Variants in PPP1R14C observed in about 807,000 individuals in gnomAD.
The protein encoded by PPP1R14C is protein phosphatase 1 regulatory inhibitor subunit 14C, also known as protein phosphatase 1 regulatory subunit 14C.
Under a neutral mutation model 20.4 loss-of-function variants are expected in PPP1R14C, and 16 were observed. The observed-to-expected ratio is 0.78, with a 90% CI of 0.53 to 1.19. The LOEUF is 1.19. Among genes scored for constraint, PPP1R14C ranks in the 50% most tolerant of loss-of-function variants. PPP1R14C has a pLI of 0.00. For synonymous variants in PPP1R14C, 91 were observed against 91.0 expected, an observed-to-expected ratio of 1.00 and a Z score of 0.00; for missense variants, 211 against 220.1, an observed-to-expected ratio of 0.96 and a Z score of 0.26.
intron 1 of PPP1R14C, among the ~76,000 whole-genome samples, chr6:150,171,585 G>A (rs1777499549): frequency 6.6e-6 from 1 of 152,142 alleles, no homozygotes; most frequent in Non-Finnish European, 1.5e-5. Context: ...ACATTTGAAA[G>A]TTAAGTGATT....
chr6:150,190,052 G>A (rs1304220591), intron 1 of PPP1R14C, among the ~76,000 whole-genome samples: 1 of 152,102 alleles, frequency 6.6e-6, no homozygotes, highest in Non-Finnish European at 1.5e-5. Context: ...AGAAAAGGAT[G>A]ATTTTGGTCA....
At chr6:150,238,297 A>G (rs895165458) in intron 3 of PPP1R14C, among the ~76,000 whole-genome samples, 2 of 152,248 alleles carry the variant, frequency 1.3e-5, no homozygotes, top group Admixed American at 6.5e-5. Flanking sequence ...CTAGGAAACT[A>G]GAATGGCCAG....
intron 1 of PPP1R14C, among the ~76,000 whole-genome samples, chr6:150,193,477 G>T (rs180998180): frequency 6.6e-6 from 1 of 152,234 alleles, no homozygotes; most frequent in African/African-American, 2.4e-5. Context: ...ATTTCCAGGA[G>T]TGAGTAAGAG....
Position 150,194,198 on chromosome 6 carries a change from G to A in PPP1R14C, c.307-20546G>A, listed in dbSNP as rs569619469. On this transcript the variant is annotated intron_variant, in intron 1 of 3. Coordinates refer to ENST00000361131, the MANE Select transcript of PPP1R14C (RefSeq NM_030949.3). ...TTTTTCTTTATGAATACCCAGTCTC[G>A]GGTATGTCTTTACCAGCAGCGTGAG... Among the ~76,000 whole-genome samples, 4 of 152,222 alleles carry A rather than the reference G, an allele frequency of 2.6e-5. No individual in the cohort carries two copies. The South Asian group carries it at 8.3e-4, about 32-fold the overall frequency.
chr6:150,145,300 T>G (rs1777169500), intron 1 of PPP1R14C, among the ~76,000 whole-genome samples: 1 of 152,214 alleles, frequency 6.6e-6, no homozygotes, highest in Non-Finnish European at 1.5e-5. Flanking sequence ...TCTTCTTGGG[T>G]TTTAAATCTT....
At chr6:150,147,859 T>G (rs1188945283) in intron 1 of PPP1R14C, among the ~76,000 whole-genome samples, 1 of 152,192 alleles carries the variant, frequency 6.6e-6, no homozygotes, top group African/African-American at 2.4e-5. Context: ...AAAACTGTCT[T>G]CTGAGAGATG....
chr6:150,219,593 A>G (rs1381399844), intron 3 of PPP1R14C, among the ~76,000 whole-genome samples: 3 of 152,084 alleles, frequency 2.0e-5, no homozygotes, highest in African/African-American at 7.2e-5. Flanking sequence ...TCAAACATGT[A>G]ACATATTTCC....
At chr6:150,235,287 G>A (rs373189318) in intron 3 of PPP1R14C, among the ~76,000 whole-genome samples, 31 of 152,076 alleles carry the variant, frequency 2.0e-4, no homozygotes, top group South Asian at 6.2e-4. Context: ...ATGGGATCTC[G>A]CTTTATTACC....
chr6:150,235,972 T>C (rs1005465256), intron 3 of PPP1R14C, among the ~76,000 whole-genome samples: 2 of 152,190 alleles, frequency 1.3e-5, no homozygotes, highest in African/African-American at 4.8e-5. Context: ...TTTTTGGTCA[T>C]TTTAGTTTAG....
intron 1 of PPP1R14C, among the ~76,000 whole-genome samples, chr6:150,212,446 G>A (rs1403669595): frequency 2.0e-5 from 3 of 149,086 alleles, no homozygotes; most frequent in South Asian, 4.3e-4. Context: ...TGTGTAGGGC[G>A]AGGCTCTACA....
intron 3 of PPP1R14C, among the ~76,000 whole-genome samples, chr6:150,234,903 A>G (rs1220816719): frequency 1.3e-5 from 2 of 150,514 alleles, no homozygotes; most frequent in East Asian, 3.9e-4. Context: ...CGCACACAAT[A>G]GTATCTAATA....
chr6:150,166,113 C>T lies in PPP1R14C; in HGVS notation c.306+22615C>T, dbSNP rs1366882456. Among the ~76,000 whole-genome samples, 5 of 151,500 alleles carry T rather than the reference C, an allele frequency of 3.3e-5. 1 individual carries two copies. Among genetic ancestry groups the T allele is most frequent in the Admixed American group, 2.6e-4 (4 of 15,210 alleles). ...TTTTTGAGACGGAGTCTGAGTCTCC[C>T]TCTGTTGTCCAGGCTGGGGTGCAGT... On this transcript the variant is annotated intron_variant, in intron 1 of 3. Transcript: ENST00000361131.
At chr6:150,163,915 A>T (rs1467771990) in intron 1 of PPP1R14C, among the ~76,000 whole-genome samples, 1 of 152,218 alleles carries the variant, frequency 6.6e-6, no homozygotes, top group African/African-American at 2.4e-5. Flanking sequence ...TTGCTGGCTT[A>T]TAGAGTACGT....
intron 1 of PPP1R14C, among the ~76,000 whole-genome samples, chr6:150,162,344 C>T (rs1419448101): frequency 4.6e-5 from 7 of 152,204 alleles, no homozygotes; most frequent in South Asian, 4.1e-4. Flanking sequence ...CGTGAGCCAC[C>T]GTGCCAGGCC....
At chr6:150,204,276 C>G (rs139368985) in intron 1 of PPP1R14C, among the ~76,000 whole-genome samples, 1 of 152,348 alleles carries the variant, frequency 6.6e-6, no homozygotes, top group Non-Finnish European at 1.5e-5. Context: ...TTTCTCGTCA[C>G]GGGGGCATTG....
At chr6:150,159,342 C>T (rs1777339518) in intron 1 of PPP1R14C, among the ~76,000 whole-genome samples, 1 of 152,316 alleles carries the variant, frequency 6.6e-6, no homozygotes, top group African/African-American at 2.4e-5. Flanking sequence ...ATCCTTTGAT[C>T]GCATTTTGTC....
At chr6:150,218,336 G>A (rs1300175197) in intron 3 of PPP1R14C, among the ~76,000 whole-genome samples, 2 of 152,038 alleles carry the variant, frequency 1.3e-5, no homozygotes, top group African/African-American at 4.8e-5. Flanking sequence ...CTGGGAGGCG[G>A]AGCTTGCAGT....
chr6:150,158,765 G>A (rs1582896745), intron 1 of PPP1R14C, among the ~76,000 whole-genome samples: 1 of 152,212 alleles, frequency 6.6e-6, no homozygotes, highest in South Asian at 2.1e-4. Flanking sequence ...AGGGGCACAA[G>A]CCCTCTCCTG....
intron 3 of PPP1R14C, among the ~76,000 whole-genome samples, chr6:150,248,225 T>A (rs1778517465): frequency 6.6e-6 from 1 of 152,196 alleles, no homozygotes; most frequent in Non-Finnish European, 1.5e-5. Flanking sequence ...TTCCAATACA[T>A]GAAATTTGGA....
Sources: allele counts gnomAD v4.1 joint callset (sites outside exome capture counted in the v4.1 genomes callset), GRCh38; gene constraint gnomAD v4.1.1; transcripts MANE v1.5; gene names NCBI Gene and HGNC (gene_info 2026-07-23, HGNC 2026-07-21).